The following ZNF248 variants were observed in gnomAD, a reference collection of about 807,000 sequenced individuals.
The protein encoded by ZNF248 is KRAB protein domain.
A neutral mutation model predicts 44.3 loss-of-function variants in ZNF248; 20 were observed. The observed-to-expected ratio is 0.45, with a 90% CI of 0.32 to 0.66. ZNF248 has a LOEUF of 0.66. Among genes scored for constraint, ZNF248 ranks in the 30% least tolerant of loss-of-function variants. The pLI is 0.04. For missense variants in ZNF248, 654 were observed against 677.0 expected (o/e 0.97, Z 0.38); for synonymous variants, 224 against 229.0 (o/e 0.98, Z 0.20).
chr10:37,792,624 G>A (rs1490934832), intron 6 of ZNF248, among the ~76,000 whole-genome samples: 1 of 152,208 alleles, frequency 6.6e-6, no homozygotes, highest in African/African-American at 2.4e-5. Context: ...CAACAGTCAT[G>A]TTGGTATCAT....
Position 37,838,085 on chromosome 10 carries a change from A to G in ZNF248, c.42T>C (p.Cys14=). ...ACCACTCTTCCTGAGTGAAGTCCAC[A>G]CATACATCCTTGAATGACACTTGTT... is the stretch of plus-strand genomic sequence containing the variant. ...SQEQVSFKDV[C]VDFTQEEWYL... is the part of the protein sequence containing the mutation. Residue 14 remains cysteine (C), a synonymous_variant, in exon 4 of 6, where the codon TGT becomes TGC. Coordinates refer to ENST00000395867, the MANE Select transcript of ZNF248 (RefSeq NM_021045.3). 6.2e-7 allele frequency: 1 copy of G among 1,613,220 alleles called. No homozygotes were observed.
the ZNF248 span, among the ~76,000 whole-genome samples, chr10:37,769,381 C>T: frequency 1.3e-5 from 2 of 152,156 alleles, no homozygotes; most frequent in East Asian, 3.9e-4. Flanking sequence ...CAATAAAATA[C>T]TGGCAAACCG....
At chr10:37,762,948 A>T in the ZNF248 span, among the ~76,000 whole-genome samples, 25 of 152,200 alleles carry the variant, frequency 1.6e-4, no homozygotes, top group Middle Eastern at 3.4e-3. Context: ...TTATTTTTTT[A>T]AAAAAATGTG....
intron 6 of ZNF248, among the ~76,000 whole-genome samples, chr10:37,813,020 A>AAAAAG (rs2051793363): frequency 1.5e-5 from 2 of 133,498 alleles, no homozygotes; most frequent in African/African-American, 5.1e-5. Flanking sequence ...TGGATATGGC[A>AAAAAG]AAAAGAAAAA....
At chr10:37,778,892 G>C (rs551975783) in intron 6 of ZNF248, among the ~76,000 whole-genome samples, 1 of 152,020 alleles carries the variant, frequency 6.6e-6, no homozygotes, top group Non-Finnish European at 1.5e-5. Flanking sequence ...ACACCTCTAC[G>C]CAAATAAACT....
At chr10:37,767,805 G>A in the ZNF248 span, among the ~76,000 whole-genome samples, 2 of 152,282 alleles carry the variant, frequency 1.3e-5, no homozygotes, top group African/African-American at 4.8e-5. Context: ...TGGACTAAAT[G>A]CTCCAATTAA....
At chr10:37,838,254 A>G in intron 3 of ZNF248, 143 bp from the exon 4 acceptor site, 2 of 644,084 alleles carry the variant, frequency 3.1e-6, no homozygotes, top group Non-Finnish European at 4.7e-6. Context: ...AATACAAAAT[A>G]TCTTGTATAA....
intron 6 of ZNF248, chr10:37,820,055 C>G (rs1332619502): frequency 1.3e-5 from 11 of 817,514 alleles, no homozygotes; most frequent in Admixed American, 3.4e-5. Flanking sequence ...TGTCACACAT[C>G]TATTTAATCA....
chr10:37,774,347 C>T (rs2046415818), downstream of ZNF248, among the ~76,000 whole-genome samples: 1 of 152,208 alleles, frequency 6.6e-6, no homozygotes, highest in Admixed American at 6.5e-5. Flanking sequence ...TAACAGTTTG[C>T]TTTGCTCAGC....
the ZNF248 span, among the ~76,000 whole-genome samples, chr10:37,769,478 C>CA: frequency 6.6e-6 from 1 of 152,154 alleles, no homozygotes; most frequent in African/African-American, 2.4e-5. Flanking sequence ...ATATGCACAT[C>CA]AATAAACGTA....
chr10:37,768,874 G>C, the ZNF248 span, among the ~76,000 whole-genome samples: 1 of 152,186 alleles, frequency 6.6e-6, no homozygotes, highest in East Asian at 1.9e-4. Context: ...TAGACTGCTA[G>C]CAAGACTAAT....
the ZNF248 span, among the ~76,000 whole-genome samples, chr10:37,766,555 C>G: frequency 0.06 from 9,122 of 152,216 alleles, 351 homozygotes; most frequent in Middle Eastern, 0.095. Flanking sequence ...CAGACCTGCA[C>G]CTAAGGGTCC....
chr10:37,830,160 C>T lies in ZNF248; in HGVS notation c.*1455G>A, dbSNP rs146613066. The T allele has an allele frequency of 9.5e-4, 939 of 985,346 alleles. 3 individuals carry two copies. The highest frequency in any genetic ancestry group is 5.3e-3 in the African/African-American group (305 of 57,334). 61.0% of individuals were successfully genotyped at this position (985,346 alleles called of 1,614,324 possible). ...ATCAAAAGGGCCTTTCATTACATAC[C>T]GCCACTTTTTGAGGAGTGCAGTGTT... On this transcript the variant is annotated 3_prime_UTR_variant, in exon 6 of 6. Coordinates refer to ENST00000395867, the MANE Select transcript of ZNF248 (RefSeq NM_021045.3).
chr10:37,797,722 C>G (rs1368347532), intron 6 of ZNF248, among the ~76,000 whole-genome samples: 4 of 152,048 alleles, frequency 2.6e-5, no homozygotes, highest in Non-Finnish European at 4.4e-5. Flanking sequence ...CAGCTTTAGT[C>G]ATTAGGGAAA....
the ZNF248 span, among the ~76,000 whole-genome samples, chr10:37,763,631 A>G: frequency 6.6e-6 from 1 of 152,240 alleles, no homozygotes; most frequent in East Asian, 1.9e-4. Context: ...TAAGGATTTT[A>G]ATGTTTGAGT....
In ZNF248 at chr10:37,828,845, G is replaced by A. The variant is rs1056854906; in HGVS notation, c.*2770C>T. On this transcript the variant is annotated 3_prime_UTR_variant, in exon 6 of 6. Coordinates refer to ENST00000395867, the MANE Select transcript of ZNF248 (RefSeq NM_021045.3). The stretch of plus-strand genomic sequence containing the variant: ...ATACAATAAGAAACACCACAGGGAG[G>A]TATGAATAATGTAATTTAATATAAT... 7.3e-5 allele frequency: 72 copies of A among 985,288 alleles called. No individual in the cohort carries two copies. The highest frequency in any genetic ancestry group is 8.7e-5 in the Non-Finnish European group (72 of 829,936). 61.0% of individuals were successfully genotyped at this position (985,288 alleles called of 1,614,324 possible).
chr10:37,834,801 G>A (rs545926041), intron 5 of ZNF248, among the ~76,000 whole-genome samples: 1 of 152,200 alleles, frequency 6.6e-6, no homozygotes, highest in East Asian at 1.9e-4. Context: ...AAAAAGGCAA[G>A]GCAAACAAGA....
At chr10:37,797,090 G>A (rs1159625139) in intron 6 of ZNF248, among the ~76,000 whole-genome samples, 2 of 152,130 alleles carry the variant, frequency 1.3e-5, no homozygotes, top group South Asian at 2.1e-4. Context: ...TTTTACAGAT[G>A]AGGAAGCTAA....
intron 6 of ZNF248, among the ~76,000 whole-genome samples, chr10:37,793,532 TAAAA>T (rs1270680424): frequency 6.6e-6 from 1 of 152,084 alleles, no homozygotes; most frequent in East Asian, 1.9e-4. Context: ...ATAAAATAAA[TAAAA>T]GTGTTGAAAG....
Sources: gnomAD v4.1 joint callset for allele counts (sites outside exome capture counted in the v4.1 genomes callset) on GRCh38, gnomAD v4.1.1 for gene constraint, MANE v1.5 for transcripts, NCBI Gene and HGNC (gene_info 2026-07-23, HGNC 2026-07-21) for gene names.